The following SLC24A3 variants were observed in gnomAD, a reference collection of about 807,000 sequenced individuals.
SLC24A3 encodes the protein solute carrier family 24 member 3.
Under a neutral mutation model 75.8 loss-of-function variants are expected in SLC24A3, and 28 were observed. The observed-to-expected ratio is 0.37, with a 90% CI of 0.27 to 0.51. The LOEUF is 0.51. SLC24A3 is among the 20% of genes least tolerant of loss of function. SLC24A3 has a pLI of 0.94. For missense variants in SLC24A3, 663 were observed against 847.8 expected, an observed-to-expected ratio of 0.78 and a Z score of 2.71; for synonymous variants, 372 against 334.1, an observed-to-expected ratio of 1.11 and a Z score of -1.24.
At chr20:19,488,965 G>A (rs4814862) in intron 2 of SLC24A3, among the ~76,000 whole-genome samples, 16,810 of 152,152 alleles carry the variant, frequency 0.11, 1,243 homozygotes, top group Middle Eastern at 0.2. Flanking sequence ...TGGGATTTTC[G>A]GATTAGGGAT....
intron 2 of SLC24A3, among the ~76,000 whole-genome samples, chr20:19,345,863 A>G (rs139152363): frequency 0.012 from 1,891 of 151,948 alleles, 28 homozygotes; most frequent in Non-Finnish European, 0.017. Flanking sequence ...TACCACCACT[A>G]TGGAAAACAG....
chr20:19,502,550 A>AT (rs1215307517), intron 2 of SLC24A3, among the ~76,000 whole-genome samples: 1 of 152,080 alleles, frequency 6.6e-6, no homozygotes, highest in African/African-American at 2.4e-5. Flanking sequence ...ATTACCACAA[A>AT]TGATGACCCT....
At chr20:19,642,926 G>A (rs1207292543) in intron 6 of SLC24A3, among the ~76,000 whole-genome samples, 1 of 152,070 alleles carries the variant, frequency 6.6e-6, no homozygotes, top group Non-Finnish European at 1.5e-5. Flanking sequence ...TAATGCAGGG[G>A]GGAAATATCT....
At chr20:19,291,070 C>T (rs969201754) in intron 2 of SLC24A3, among the ~76,000 whole-genome samples, 1 of 152,194 alleles carries the variant, frequency 6.6e-6, no homozygotes, top group Non-Finnish European at 1.5e-5. Flanking sequence ...GCCATCGGGT[C>T]CTCAGTTGCC....
intron 2 of SLC24A3, among the ~76,000 whole-genome samples, chr20:19,410,327 G>T (rs1325177189): frequency 1.3e-5 from 2 of 152,126 alleles, no homozygotes; most frequent in Non-Finnish European, 1.5e-5. Flanking sequence ...CCAGCGTGCG[G>T]TCATGGCCTC....
At chr20:19,545,976 G>A (rs2030581847) in intron 3 of SLC24A3, among the ~76,000 whole-genome samples, 1 of 151,522 alleles carries the variant, frequency 6.6e-6, no homozygotes, top group African/African-American at 2.4e-5. Context: ...TGACTAACAC[G>A]TTGAAACCCC....
chr20:19,553,969 C>A (rs1442163585), intron 3 of SLC24A3, among the ~76,000 whole-genome samples: 1 of 152,138 alleles, frequency 6.6e-6, no homozygotes, highest in Non-Finnish European at 1.5e-5. Context: ...GAAAACGATT[C>A]AGAAAAGGCA....
At chr20:19,629,395 G>A (rs1396441131) in intron 6 of SLC24A3, among the ~76,000 whole-genome samples, 24 of 152,088 alleles carry the variant, frequency 1.6e-4, no homozygotes, top group Admixed American at 1.6e-3. Context: ...AAAGCAAAGA[G>A]CTATTAAGAG....
chr20:19,404,551 A>G (rs1260939680), intron 2 of SLC24A3, among the ~76,000 whole-genome samples: 1 of 152,216 alleles, frequency 6.6e-6, no homozygotes, highest in Non-Finnish European at 1.5e-5. Flanking sequence ...CTGGCCTTCC[A>G]TCAGCCTTTC....
chr20:19,516,825 T>G (rs1268344552), intron 3 of SLC24A3, among the ~76,000 whole-genome samples: 1 of 152,166 alleles, frequency 6.6e-6, no homozygotes, highest in Admixed American at 6.5e-5. Context: ...GACCTTGCTT[T>G]CAACCCACAG....
intron 2 of SLC24A3, among the ~76,000 whole-genome samples, chr20:19,495,058 C>T (rs1988262978): frequency 6.6e-6 from 1 of 152,188 alleles, no homozygotes; most frequent in South Asian, 2.1e-4. Context: ...CACCACAGAG[C>T]TGTCCTGCCT....
chr20:19,333,622 AGTGTGTGTGTGTGTGTGTGAGTGT>A (rs1555788413), intron 2 of SLC24A3, among the ~76,000 whole-genome samples: 1 of 149,662 alleles, frequency 6.7e-6, no homozygotes, highest in Non-Finnish European at 1.5e-5. Flanking sequence ...CAGTCTTGCT[AGTGTGTGTGTGTGTGTGTGAGTGT>A]GTGTGTGTGT....
chr20:19,500,274 C>T (rs951245488), intron 2 of SLC24A3, among the ~76,000 whole-genome samples: 4 of 152,138 alleles, frequency 2.6e-5, no homozygotes, highest in African/African-American at 7.2e-5. Context: ...TCTCCAGTCC[C>T]CCAACTGTGG....
At chr20:19,320,648 A>T (rs1255840045) in intron 2 of SLC24A3, among the ~76,000 whole-genome samples, 1 of 151,796 alleles carries the variant, frequency 6.6e-6, no homozygotes, top group African/African-American at 2.4e-5. Flanking sequence ...TCTTCAGGGG[A>T]TTTGTTCCAG....
At chr20:19,238,655 C>T (rs1252701529) in intron 1 of SLC24A3, among the ~76,000 whole-genome samples, 4 of 152,182 alleles carry the variant, frequency 2.6e-5, no homozygotes, top group Non-Finnish European at 5.9e-5. Context: ...ATTGGCAACC[C>T]ACAGCCAAGA....
chr20:19,595,109 G>A (rs757069782), intron 6 of SLC24A3, among the ~76,000 whole-genome samples: 34 of 152,316 alleles, frequency 2.2e-4, no homozygotes, highest in Non-Finnish European at 4.6e-4. Context: ...ACAAGCTAGA[G>A]TAAGAAAACA....
intron 6 of SLC24A3, among the ~76,000 whole-genome samples, chr20:19,600,817 C>A (rs1026740599): frequency 6.6e-6 from 1 of 152,122 alleles, no homozygotes; most frequent in African/African-American, 2.4e-5. Context: ...TGCCACCACA[C>A]CTGGCTAATT....
intron 2 of SLC24A3, among the ~76,000 whole-genome samples, chr20:19,476,993 C>T (rs1030004561): frequency 4.6e-5 from 7 of 151,966 alleles, no homozygotes; most frequent in East Asian, 1.9e-4. Flanking sequence ...GTAAACCCTA[C>T]GGGTGTCAGC....
In SLC24A3 at chr20:19,433,385, G is replaced by T. The variant is rs189280909; in HGVS notation, c.272-82103G>T. On this transcript the variant is annotated intron_variant, in intron 2 of 16. Transcript: ENST00000328041. ...TTAATGAATGTTCCGCAGGGAAAAC[G>T]CACCAAGATTTGTTGTTTGAATGAG... Among the ~76,000 whole-genome samples, 30 of 152,322 alleles carry T rather than the reference G, an allele frequency of 2.0e-4. No individual in the cohort carries two copies. The East Asian group carries it at 5.2e-3, about 26-fold the overall frequency.
Sources: gnomAD v4.1 joint callset for allele counts (sites outside exome capture counted in the v4.1 genomes callset) on GRCh38, gnomAD v4.1.1 for gene constraint, MANE v1.5 for transcripts, NCBI Gene and HGNC (gene_info 2026-07-23, HGNC 2026-07-21) for gene names.